MSRB3: variants seen among roughly 807,000 people sequenced by gnomAD.
MSRB3 encodes the protein methionine-R-sulfoxide reductase B3.
In MSRB3, 13 loss-of-function variants were observed where a neutral mutation model predicts 21.0. The observed-to-expected ratio is 0.62, with a 90% CI of 0.40 to 0.98. The LOEUF (loss-of-function observed/expected upper bound fraction) is 0.98. MSRB3 is among the 50% of genes least tolerant of loss of function. The pLI, the probability that MSRB3 is intolerant of heterozygous loss-of-function variation, is 0.00. For synonymous variants in MSRB3, 87 were observed against 88.6 expected (o/e 0.98, Z 0.10); for missense variants, 199 against 230.3 (o/e 0.86, Z 0.88).
At chr12:65,334,445 G>A (rs1875629484) in intron 4 of MSRB3, among the ~76,000 whole-genome samples, 1 of 152,160 alleles carries the variant, frequency 6.6e-6, no homozygotes, top group African/African-American at 2.4e-5. Flanking sequence ...AAGAATTATA[G>A]TAGAATGAAA....
At chr12:65,423,039 T>G (rs1393416402) in intron 5 of MSRB3, among the ~76,000 whole-genome samples, 1 of 149,062 alleles carries the variant, frequency 6.7e-6, no homozygotes, top group Non-Finnish European at 1.5e-5. Context: ...CTTGGCTCAC[T>G]GCAACCTCTG....
intron 5 of MSRB3, among the ~76,000 whole-genome samples, chr12:65,449,643 CAT>C (rs763359820): frequency 1.4e-4 from 22 of 152,298 alleles, no homozygotes; most frequent in Middle Eastern, 3.4e-3. Context: ...AATAACAAAA[CAT>C]GTGTAATTAC....
At chr12:65,418,643 C>T (rs955757459) in intron 5 of MSRB3, 4 of 610,546 alleles carry the variant, frequency 6.6e-6, no homozygotes, top group African/African-American at 3.7e-5. Flanking sequence ...ATCTCTAATC[C>T]ATTTTGAGTT....
chr12:65,350,211 G>A (rs974227876), intron 4 of MSRB3, among the ~76,000 whole-genome samples: 32 of 151,600 alleles, frequency 2.1e-4, no homozygotes, highest in African/African-American at 6.5e-4. Context: ...TCAAAGATCA[G>A]ATAGTTGTAG....
Position 65,414,092 on chromosome 12 carries a change from C to CT in MSRB3, c.293-39635dup, listed in dbSNP as rs748402633. Among the ~76,000 whole-genome samples, 4 of 152,220 alleles carry CT rather than the reference C, an allele frequency of 2.6e-5. No individual in the cohort carries two copies. In the East Asian group the frequency reaches 7.7e-4, roughly 29 times the overall value. ...AGGTCCTGTAGGGCATTTTAGGCCA[C>CT]TGTGAACACATTGGATTTTACTCTG... is the stretch of plus-strand genomic sequence containing the variant. On this transcript the variant is annotated intron_variant, in intron 5 of 6. Coordinates refer to ENST00000308259, the MANE Select transcript of MSRB3 (RefSeq NM_001031679.3).
chr12:65,305,642 A>G (rs1051740345), intron 1 of MSRB3, among the ~76,000 whole-genome samples: 3 of 152,242 alleles, frequency 2.0e-5, no homozygotes, highest in African/African-American at 7.2e-5. Flanking sequence ...AAAGGGGAAA[A>G]TGATAGTATA....
rs958719486 is a variant in MSRB3 at position 65,316,899 on chromosome 12, G to A, written c.76+8244G>A. ...ACAGTTCTTCTGAAGGATATTGAAG[G>A]AATGTGTAGATGTAATTAGTGGGAG... On this transcript the variant is annotated intron_variant, in intron 2 of 6. Coordinates refer to ENST00000308259, the MANE Select transcript of MSRB3 (RefSeq NM_001031679.3). Among the ~76,000 whole-genome samples the A allele has an allele frequency of 2.6e-5, 4 of 152,116 alleles. No individual in the cohort carries two copies. The East Asian group carries it at 5.8e-4, about 22-fold the overall frequency.
chr12:65,441,592 A>G (rs1796067589), intron 5 of MSRB3, among the ~76,000 whole-genome samples: 1 of 151,998 alleles, frequency 6.6e-6, no homozygotes, highest in African/African-American at 2.4e-5. Context: ...TGGGAACAAA[A>G]CAATTATCTT....
At chr12:65,434,700 A>C (rs958123684) in intron 5 of MSRB3, among the ~76,000 whole-genome samples, 1 of 151,936 alleles carries the variant, frequency 6.6e-6, no homozygotes, top group African/African-American at 2.4e-5. Flanking sequence ...TTTTCCTTCC[A>C]TTAATGAGAT....
At chr12:65,446,964 A>C (rs1029587966) in intron 5 of MSRB3, among the ~76,000 whole-genome samples, 1 of 152,270 alleles carries the variant, frequency 6.6e-6, no homozygotes, top group Non-Finnish European at 1.5e-5. Context: ...ATGACAGATC[A>C]TTAGTTACCC....
At chr12:65,438,097 G>A (rs1487368899) in intron 5 of MSRB3, among the ~76,000 whole-genome samples, 2 of 151,856 alleles carry the variant, frequency 1.3e-5, no homozygotes, top group Admixed American at 6.6e-5. Context: ...ATTGTGTAAG[G>A]CACTTTTATT....
chr12:65,294,044 T>C (rs1734337817), intron 1 of MSRB3, among the ~76,000 whole-genome samples: 2 of 152,224 alleles, frequency 1.3e-5, no homozygotes, highest in South Asian at 4.1e-4. Context: ...TTCTTTTTTC[T>C]GATTGGAGTG....
intron 4 of MSRB3, among the ~76,000 whole-genome samples, chr12:65,336,876 ACC>A (rs1482230850): frequency 6.6e-6 from 1 of 152,230 alleles, no homozygotes; most frequent in Non-Finnish European, 1.5e-5. Flanking sequence ...TGGATAAAGA[ACC>A]CATCACATAA....
chr12:65,421,490 T>C (rs1470774896), intron 5 of MSRB3, among the ~76,000 whole-genome samples: 1 of 152,214 alleles, frequency 6.6e-6, no homozygotes, highest in Non-Finnish European at 1.5e-5. Flanking sequence ...TGTCAGTTTT[T>C]GCTTTTGTTG....
intron 5 of MSRB3, among the ~76,000 whole-genome samples, chr12:65,445,186 A>C (rs1426401093): frequency 6.6e-6 from 1 of 152,044 alleles, no homozygotes; most frequent in Admixed American, 6.6e-5. Context: ...AATCACCAAA[A>C]TCAGTAAACT....
intron 1 of MSRB3, chr12:65,307,056 C>G (rs1873694554): frequency 2.0e-6 from 2 of 984,464 alleles, no homozygotes; most frequent in South Asian, 9.4e-5. Flanking sequence ...GTGCTTTATT[C>G]CTCACAGAGA....
chr12:65,381,455 A>G (rs943132158), intron 5 of MSRB3, among the ~76,000 whole-genome samples: 1 of 152,176 alleles, frequency 6.6e-6, no homozygotes, highest in Non-Finnish European at 1.5e-5. Flanking sequence ...TTGCTATAGC[A>G]CATTACTTGG....
At chr12:65,388,287 T>G (rs575782192) in intron 5 of MSRB3, among the ~76,000 whole-genome samples, 2 of 152,058 alleles carry the variant, frequency 1.3e-5, no homozygotes, top group Non-Finnish European at 2.9e-5. Context: ...GGTCCTCTCC[T>G]TCCCACCCCC....
Position 65,382,073 on chromosome 12 carries a change from C to T in MSRB3, c.292+13047C>T, listed in dbSNP as rs368862962. On this transcript the variant is annotated intron_variant, in intron 5 of 6. Coordinates refer to ENST00000308259, the MANE Select transcript of MSRB3 (RefSeq NM_001031679.3). ...TTTCCAACCAATGTGAAATATTTGA[C>T]GCTAACAAATATCATCCCTTTCTTC... Among the ~76,000 whole-genome samples, 10 of 152,092 alleles carry T rather than the reference C, an allele frequency of 6.6e-5. No homozygotes were observed. In the East Asian group the frequency reaches 1.4e-3, roughly 21 times the overall value.
Sources: gnomAD v4.1 joint callset for allele counts (sites outside exome capture counted in the v4.1 genomes callset) on GRCh38, gnomAD v4.1.1 for gene constraint, MANE v1.5 for transcripts, NCBI Gene and HGNC (gene_info 2026-07-23, HGNC 2026-07-21) for gene names.